Variants in PROM1 observed in about 807,000 individuals in gnomAD.
The protein encoded by PROM1 is prominin-1.
PROM1 carries 105 observed loss-of-function variants against 116.9 expected under a neutral mutation model. That is an observed-to-expected ratio of 0.90 (90% CI 0.77 to 1.06). The LOEUF is 1.06. Ranked by LOEUF, PROM1 falls within the 50% of genes least tolerant of loss-of-function variation. The pLI is 0.00. For missense variants in PROM1, 1,122 were observed against 1,045.2 expected (o/e 1.07, Z -1.01); for synonymous variants, 393 against 387.0 (o/e 1.02, Z -0.18).
chr4:16,039,323 A>C (rs1007898227), intron 2 of PROM1, among the ~76,000 whole-genome samples: 1 of 152,266 alleles, frequency 6.6e-6, no homozygotes, highest in African/African-American at 2.4e-5. Context: ...ATTTATAAAA[A>C]TTTTGCTGAA....
At chr4:15,985,550 T>A in intron 22 of PROM1, 1 of 560,826 alleles carries the variant, frequency 1.8e-6, no homozygotes, top group Non-Finnish European at 3.1e-6. Context: ...GAACTGCATA[T>A]GGCAAAGGTG....
chr4:16,018,511 T>C lies in PROM1; in HGVS notation c.814A>G (p.Asn272Asp). ...AAGCTCTTCAAGGTGCTGTTCATGT[T>C]CTCCAACGCCTCTTTGGTCTCCTTG... ...AIKETKEALE[N>D]MNSTLKSLHQ... The change falls in exon 9 of 28, where the codon AAC becomes GAC. Residue 272 changes from asparagine to aspartate, a missense_variant. By Grantham distance (23) the Asn-to-Asp change is conservative (BLOSUM62 1). Transcript: ENST00000447510. 6.2e-7 allele frequency: 1 copy of C among 1,611,410 alleles called. No homozygotes were observed. The highest frequency in any genetic ancestry group is 1.1e-5 in the South Asian group (1 of 90,674).
rs777521092 is a variant in PROM1 at position 15,992,428 on chromosome 4, C to A, written c.1768-37G>T. ...GGAAGTTACAAATCAGTCCCTTATTCTCCAAGAATGTCACAAACCAAATGC... is the reference window on the plus strand; with the variant it reads ...GGAAGTTACAAATCAGTCCCTTATTATCCAAGAATGTCACAAACCAAATGC... On this transcript the variant is annotated intron_variant, in intron 16 of 27. Coordinates refer to ENST00000447510, the MANE Select transcript of PROM1 (RefSeq NM_006017.3). The A allele has an allele frequency of 2.5e-6, 4 of 1,599,990 alleles. No individual in the cohort carries two copies. In the Admixed American group the frequency reaches 6.8e-5, roughly 27 times the overall value.
In PROM1 at chr4:15,969,364, T is replaced by A. The variant is rs886901575; in HGVS notation, c.*29A>T. 6.6e-6 allele frequency: 1 copy of A among 152,190 alleles called. No homozygotes were observed. Among genetic ancestry groups the A allele is most frequent in the Non-Finnish European group, 1.5e-5 (1 of 68,038 alleles). 9.4% of individuals were successfully genotyped at this position (152,190 alleles called of 1,614,324 possible). On this transcript the variant is annotated 3_prime_UTR_variant, in exon 28 of 28. Coordinates refer to ENST00000447510, the MANE Select transcript of PROM1 (RefSeq NM_006017.3). ...GTGATCCTTTCCACTTTGAGTATCC[T>A]GATGCTGAAATGAAAGTTAAACACA...
At chr4:15,973,649 C>T (rs550316382) in intron 26 of PROM1, among the ~76,000 whole-genome samples, 4 of 152,308 alleles carry the variant, frequency 2.6e-5, no homozygotes, top group Non-Finnish European at 5.9e-5. Context: ...TCTAGCAACA[C>T]TTGCCTCTTA....
chr4:16,048,511 G>A (rs910423119), intron 2 of PROM1, among the ~76,000 whole-genome samples: 2 of 152,118 alleles, frequency 1.3e-5, no homozygotes, highest in Admixed American at 6.6e-5. Flanking sequence ...TTTATCAGAC[G>A]TGTCGAATGT....
chr4:16,082,237 C>T (rs1297356566), intron 1 of PROM1: 1 of 152,098 alleles, frequency 6.6e-6, no homozygotes, highest in Non-Finnish European at 1.5e-5. Flanking sequence ...TGAGTAACAT[C>T]ACACAAGTTG....
At chr4:16,077,658 C>G (rs927461717) in intron 1 of PROM1, among the ~76,000 whole-genome samples, 1 of 152,210 alleles carries the variant, frequency 6.6e-6, no homozygotes, top group East Asian at 1.9e-4. Flanking sequence ...AAGAGTCAAA[C>G]CCACTAGTTT....
In PROM1 at chr4:16,025,263, T is replaced by C. The variant is rs376885208; in HGVS notation, c.559A>G (p.Ile187Val). ...TCTGCCAGTTTCCGACTCCTTTTGATCCGGGTTCTTACCTGGTGATTTGCC... is the reference window on the plus strand; with the variant it reads ...TCTGCCAGTTTCCGACTCCTTTTGACCCGGGTTCTTACCTGGTGATTTGCC... Reference protein sequence around the residue: ...FVANHQVRTRIKRSRKLADSN... With the variant: ...FVANHQVRTRVKRSRKLADSN... Residue 187 changes from isoleucine to valine, a missense_variant, in exon 6 of 28, where the codon ATC becomes GTC. Transcript: ENST00000447510. 3.1e-6 allele frequency: 5 copies of C among 1,613,830 alleles called. No individual in the cohort carries two copies. The highest frequency in any genetic ancestry group is 3.3e-5 in the Admixed American group (2 of 60,006).
chr4:16,028,946 G>GT (rs1207085910), intron 5 of PROM1, among the ~76,000 whole-genome samples: 2 of 152,122 alleles, frequency 1.3e-5, no homozygotes, highest in African/African-American at 4.8e-5. Flanking sequence ...TTTTTACAGA[G>GT]TAAGGCTAAA....
rs1183526129 is a variant in PROM1, at chr4:16,084,014, GT to G, written c.-250del. The G allele has an allele frequency of 6.6e-6, 1 of 152,340 alleles. No individual in the cohort carries two copies. Among genetic ancestry groups the G allele is most frequent in the Non-Finnish European group, 1.5e-5 (1 of 68,140 alleles). 9.4% of individuals were successfully genotyped at this position (152,340 alleles called of 1,614,324 possible). On this transcript the variant is annotated 5_prime_UTR_variant, in exon 1 of 28. Coordinates refer to ENST00000447510, the MANE Select transcript of PROM1 (RefSeq NM_006017.3). Reference sequence around the variant, plus strand: ...AGCTGAGAGCATGGCCAGGTGCCGCGTGGGGATCTGCCTCAGTCACTTAAAG... The same window carrying G: ...AGCTGAGAGCATGGCCAGGTGCCGCGGGGGATCTGCCTCAGTCACTTAAAG...
intron 2 of PROM1, among the ~76,000 whole-genome samples, chr4:16,072,177 C>A (rs1314166454): frequency 6.6e-6 from 1 of 152,124 alleles, no homozygotes. Context: ...CAAGTCCCAG[C>A]TGAATAAGAC....
intron 3 of PROM1, among the ~76,000 whole-genome samples, chr4:16,036,233 A>G (rs1219583452): frequency 6.6e-6 from 1 of 152,182 alleles, no homozygotes; most frequent in Non-Finnish European, 1.5e-5. Context: ...TATTCCAAAC[A>G]TCTCAATGTT....
intron 2 of PROM1, among the ~76,000 whole-genome samples, chr4:16,040,407 T>C (rs1309345278): frequency 6.6e-6 from 1 of 152,220 alleles, no homozygotes; most frequent in Admixed American, 6.5e-5. Context: ...TACTTCCCCC[T>C]TCAACCAGTC....
intron 20 of PROM1, among the ~76,000 whole-genome samples, chr4:15,987,262 C>T (rs745949143): frequency 7.9e-5 from 12 of 152,192 alleles, no homozygotes; most frequent in Non-Finnish European, 1.6e-4. Flanking sequence ...GGAGCTGCTC[C>T]TTCAGGCCGG....
At position 16,014,959 on chromosome 4, in the gene PROM1, A is replaced by G. The variant is rs546414429; in HGVS notation, c.1077+1207T>C. On this transcript the variant is annotated intron_variant, in intron 10 of 27. Coordinates refer to ENST00000447510, the MANE Select transcript of PROM1 (RefSeq NM_006017.3). ...AGACATTAAAGAAATAATTACAGTT[A>G]TGAGGAAATTAACAGAGAATATTTG... 2.6e-5 allele frequency among the ~76,000 whole-genome samples: 4 copies of G among 152,340 alleles called. No homozygotes were observed. In the South Asian group the frequency reaches 6.2e-4, roughly 24 times the overall value.
At chr4:16,014,609 G>T (rs1408883370) in intron 10 of PROM1, among the ~76,000 whole-genome samples, 1 of 152,194 alleles carries the variant, frequency 6.6e-6, no homozygotes, top group African/African-American at 2.4e-5. Flanking sequence ...AGAACCTGAT[G>T]ATGACATTTG....
At chr4:16,064,712 G>A (rs529530665) in intron 2 of PROM1, among the ~76,000 whole-genome samples, 3 of 152,154 alleles carry the variant, frequency 2.0e-5, no homozygotes, top group Non-Finnish European at 4.4e-5. Flanking sequence ...AGCCAACATG[G>A]TGAAACCCTG....
In PROM1 at chr4:15,968,834, A is replaced by C. The variant is rs1713683338; in HGVS notation, c.*559T>G. The C allele has an allele frequency of 6.6e-6, 1 of 152,234 alleles. No individual in the cohort carries two copies. Among genetic ancestry groups the C allele is most frequent in the East Asian group, 1.9e-4 (1 of 5,208 alleles). The allele number at this position is 152,234 out of a possible 1,614,324, so 9.4% of individuals were successfully genotyped here. A position where few individuals can be genotyped will look rare whatever the true frequency, so the allele number is the denominator to read the frequency against. ...CTGTAGGTTTCACACACTTTTAGTG[A>C]AAATGGATTATTTTCAACAGCACCA... On this transcript the variant is annotated 3_prime_UTR_variant, in exon 28 of 28. Coordinates refer to ENST00000447510, the MANE Select transcript of PROM1 (RefSeq NM_006017.3).
Sources: allele counts gnomAD v4.1 joint callset (sites outside exome capture counted in the v4.1 genomes callset), GRCh38; gene constraint gnomAD v4.1.1; transcripts MANE v1.5; gene names NCBI Gene and HGNC (gene_info 2026-07-23, HGNC 2026-07-21).